TRAPPC9: variants seen among roughly 807,000 people sequenced by gnomAD.
The protein encoded by TRAPPC9 is IKK2 binding protein.
Under a neutral mutation model 124.0 loss-of-function variants are expected in TRAPPC9, and 83 were observed. That is an observed-to-expected ratio of 0.67 (90% CI 0.56 to 0.80). TRAPPC9 has a LOEUF of 0.80. Ranked by LOEUF, TRAPPC9 falls within the 30% of genes least tolerant of loss-of-function variation. TRAPPC9 has a pLI of 0.00. For missense variants in TRAPPC9, 1,302 were observed against 1,508.3 expected (o/e 0.86, Z 2.27); for synonymous variants, 638 against 617.5 (o/e 1.03, Z -0.49).
chr8:140,275,644 C>T lies in TRAPPC9; in HGVS notation c.2278+14G>A. 5 of 1,613,586 alleles carry T rather than the reference C, an allele frequency of 3.1e-6. No homozygotes were observed. Among genetic ancestry groups the T allele is most frequent in the Non-Finnish European group, 4.2e-6 (5 of 1,179,482 alleles). ...ACAAACATTCCCAGGGTCAAAGCTG[C>T]TTACAATACCTACCTTTAGTGGTGA... On this transcript the variant is annotated intron_variant, in intron 15 of 22. Coordinates refer to ENST00000438773, the MANE Select transcript of TRAPPC9 (RefSeq NM_001160372.4).
intron 17 of TRAPPC9, chr8:140,040,538 G>T (rs1316452403): frequency 6.6e-6 from 1 of 152,296 alleles, no homozygotes; most frequent in Non-Finnish European, 1.5e-5. Flanking sequence ...GGGACTACAG[G>T]CACCCGCTAA....
At chr8:139,781,817 G>A (rs1766795026) in intron 21 of TRAPPC9, among the ~76,000 whole-genome samples, 1 of 152,078 alleles carries the variant, frequency 6.6e-6, no homozygotes, top group Non-Finnish European at 1.5e-5. Context: ...TAGAAATAGT[G>A]TATAAAAATA....
At chr8:139,926,886 T>TG (rs113216326) in intron 19 of TRAPPC9, among the ~76,000 whole-genome samples, 2,472 of 151,552 alleles carry the variant, frequency 0.016, 76 homozygotes, top group African/African-American at 0.056. Context: ...AAATCAAGAC[T>TG]GGGAAAAAAA....
intron 17 of TRAPPC9, among the ~76,000 whole-genome samples, chr8:140,039,491 A>T (rs547808246): frequency 1.3e-4 from 20 of 152,362 alleles, no homozygotes; most frequent in Admixed American, 5.9e-4. Context: ...TTTATAGGTA[A>T]GAAAACTTAA....
intron 8 of TRAPPC9, 110 bp from the exon 9 acceptor site, chr8:140,360,303 A>G (rs1042786551): frequency 7.3e-7 from 1 of 1,363,014 alleles, no homozygotes; most frequent in East Asian, 2.4e-5. Context: ...CTCAACCACC[A>G]AACTCCAAGA....
chr8:140,396,725 T>C (rs1038879659), intron 7 of TRAPPC9, among the ~76,000 whole-genome samples: 5 of 152,072 alleles, frequency 3.3e-5, no homozygotes, highest in Non-Finnish European at 7.4e-5. Flanking sequence ...GGCTATCTCC[T>C]ATTCATCCTT....
At chr8:139,894,448 G>A (rs1258673511) in intron 20 of TRAPPC9, among the ~76,000 whole-genome samples, 1 of 152,142 alleles carries the variant, frequency 6.6e-6, no homozygotes. Flanking sequence ...AGTGGCCTGG[G>A]CTCAGCCCCA....
chr8:139,889,455 C>A (rs948587006), intron 20 of TRAPPC9, among the ~76,000 whole-genome samples: 1 of 152,110 alleles, frequency 6.6e-6, no homozygotes, highest in Non-Finnish European at 1.5e-5. Context: ...GTTATGAGAA[C>A]AAACGTTTCC....
intron 6 of TRAPPC9, among the ~76,000 whole-genome samples, chr8:140,403,416 G>A (rs955415603): frequency 4.0e-5 from 6 of 149,670 alleles, no homozygotes; most frequent in Admixed American, 2.0e-4. Context: ...GCAACAGAGC[G>A]AGACTCTGTC....
intron 1 of TRAPPC9, among the ~76,000 whole-genome samples, chr8:140,452,303 C>G (rs1276665308): frequency 6.6e-6 from 1 of 151,136 alleles, no homozygotes; most frequent in Non-Finnish European, 1.5e-5. Context: ...ACCTGTAGTC[C>G]CAGCTACTTG....
At chr8:140,382,498 C>A (rs557504201) in intron 7 of TRAPPC9, among the ~76,000 whole-genome samples, 12 of 152,198 alleles carry the variant, frequency 7.9e-5, no homozygotes, top group Admixed American at 7.9e-4. Context: ...TTATATCCCG[C>A]GCATGGCTGG....
At chr8:140,402,539 C>CA (rs2069315322) in intron 6 of TRAPPC9, among the ~76,000 whole-genome samples, 1 of 150,904 alleles carries the variant, frequency 6.6e-6, no homozygotes, top group South Asian at 2.1e-4. Context: ...ACAAAAAATA[C>CA]AAAAAAAATA....
chr8:140,275,970 T>C (rs1934533693), intron 14 of TRAPPC9, 149 bp from the exon 15 acceptor site: 2 of 674,614 alleles, frequency 3.0e-6, no homozygotes, highest in East Asian at 2.7e-5. Context: ...GAGTTCAGTA[T>C]CCAGCTCTCA....
chr8:140,297,599 G>A (rs1388061322), intron 11 of TRAPPC9, among the ~76,000 whole-genome samples: 1 of 152,208 alleles, frequency 6.6e-6, no homozygotes, highest in Non-Finnish European at 1.5e-5. Context: ...AGAACAGCTG[G>A]AGCCACTCCT....
At chr8:140,441,624 G>A (rs970824687) in intron 2 of TRAPPC9, among the ~76,000 whole-genome samples, 2 of 150,682 alleles carry the variant, frequency 1.3e-5, no homozygotes, top group Admixed American at 6.6e-5. Flanking sequence ...ACTTCGAGAC[G>A]GCTGGGCAAC....
intron 9 of TRAPPC9, among the ~76,000 whole-genome samples, chr8:140,357,864 A>G (rs147747283): frequency 5.4e-4 from 82 of 152,344 alleles, no homozygotes; most frequent in African/African-American, 1.7e-3. Flanking sequence ...GTTCAAATGC[A>G]GCCCCAAAAG....
At chr8:139,930,196 C>T (rs552116321) in intron 19 of TRAPPC9, among the ~76,000 whole-genome samples, 2 of 152,180 alleles carry the variant, frequency 1.3e-5, no homozygotes, top group Admixed American at 6.5e-5. Context: ...AGAGCTGAGA[C>T]CCTTAAGCCT....
At chr8:139,967,657 G>A (rs1029941389) in intron 19 of TRAPPC9, among the ~76,000 whole-genome samples, 1 of 152,214 alleles carries the variant, frequency 6.6e-6, no homozygotes, top group African/African-American at 2.4e-5. Context: ...GTGACATGGT[G>A]AGGAAATGCC....
rs574992295 is a variant in TRAPPC9 at position 140,042,091 on chromosome 8, G to A, written c.2557-18012C>T. On this transcript the variant is annotated intron_variant, in intron 17 of 22. Coordinates refer to ENST00000438773, the MANE Select transcript of TRAPPC9 (RefSeq NM_001160372.4). Reference sequence around the variant, plus strand: ...GACATAACACTATTGTACTAATGTCGAAGGTCATGGGTGTGACAATGGTTA... The same window carrying A: ...GACATAACACTATTGTACTAATGTCAAAGGTCATGGGTGTGACAATGGTTA... Among the ~76,000 whole-genome samples the A allele has an allele frequency of 3.3e-5, 5 of 152,208 alleles. No individual in the cohort carries two copies. In the South Asian group the frequency reaches 8.3e-4, roughly 25 times the overall value.
Sources: allele counts gnomAD v4.1 joint callset (sites outside exome capture counted in the v4.1 genomes callset), GRCh38; gene constraint gnomAD v4.1.1; transcripts MANE v1.5; gene names NCBI Gene and HGNC (gene_info 2026-07-23, HGNC 2026-07-21).